Variants in UNC13C observed in about 807,000 individuals in gnomAD.
The protein encoded by UNC13C is protein unc-13 homolog C.
UNC13C carries 174 observed loss-of-function variants against 245.4 expected under a neutral mutation model. That is an observed-to-expected ratio of 0.71 (90% CI 0.63 to 0.80). The LOEUF (loss-of-function observed/expected upper bound fraction) is 0.80, where lower values mean the gene tolerates loss of function less well. Among genes scored for constraint, UNC13C ranks in the 30% least tolerant of loss-of-function variants. The pLI, the probability that UNC13C is intolerant of heterozygous loss-of-function variation, is 0.00. For missense variants in UNC13C, 2,829 were observed against 2,602.9 expected (o/e 1.09, Z -1.89); for synonymous variants, 992 against 895.1 (o/e 1.11, Z -1.93).
At chr15:54,239,010 C>T (rs944122287) in intron 7 of UNC13C, among the ~76,000 whole-genome samples, 6 of 152,132 alleles carry the variant, frequency 3.9e-5, no homozygotes, top group Admixed American at 6.5e-5. Context: ...TGTTCTGTTC[C>T]GGTAAATGTG....
At chr15:53,905,399 T>TACACACACACACAC in the UNC13C span, among the ~76,000 whole-genome samples, 1,492 of 123,542 alleles carry the variant, frequency 0.012, 14 homozygotes, top group Middle Eastern at 0.023. Context: ...TATTACTTTA[T>TACACACACACACAC]ACACACACAC....
intron 1 of UNC13C, among the ~76,000 whole-genome samples, chr15:53,989,832 T>C (rs1894305339): frequency 6.6e-6 from 1 of 152,034 alleles, no homozygotes; most frequent in South Asian, 2.1e-4. Flanking sequence ...AAAAGGGGGC[T>C]AATCCTAAGT....
At chr15:54,437,801 A>G (rs992684410) in intron 19 of UNC13C, among the ~76,000 whole-genome samples, 2 of 151,912 alleles carry the variant, frequency 1.3e-5, no homozygotes, top group Non-Finnish European at 2.9e-5. Flanking sequence ...GGTTTCTCCT[A>G]TACATTTTAT....
chr15:54,235,143 T>A (rs1450174337), intron 5 of UNC13C, 35 bp downstream of exon 5: 2 of 1,589,360 alleles, frequency 1.3e-6, no homozygotes, highest in African/African-American at 1.3e-5. Context: ...TTCGATTGCA[T>A]GTGTGGTTTT....
chr15:54,546,929 A>G (rs1566900919), intron 27 of UNC13C, 84 bp downstream of exon 27: 1 of 1,222,574 alleles, frequency 8.2e-7, no homozygotes, highest in Non-Finnish European at 1.1e-6. Context: ...ATGAAATACT[A>G]ATTAAATCCC....
At chr15:54,445,991 A>G (rs960035257) in intron 19 of UNC13C, among the ~76,000 whole-genome samples, 6 of 152,232 alleles carry the variant, frequency 3.9e-5, no homozygotes, top group Non-Finnish European at 7.3e-5. Flanking sequence ...GAAGGGATCC[A>G]GTTTCAGCTT....
At chr15:54,549,521 A>G (rs947345834) in intron 27 of UNC13C, 114 bp from the exon 28 acceptor site, 2 of 781,800 alleles carry the variant, frequency 2.6e-6, no homozygotes, top group African/African-American at 3.5e-5. Flanking sequence ...CATCTGGCAT[A>G]AGCCATAAGT....
chr15:54,186,173 G>A (rs4479175), intron 4 of UNC13C, among the ~76,000 whole-genome samples: 15,603 of 151,642 alleles, frequency 0.1, 1,115 homozygotes, highest in African/African-American at 0.23. Flanking sequence ...ATTTTGGGCT[G>A]AGACAATGGG....
intron 14 of UNC13C, among the ~76,000 whole-genome samples, chr15:54,327,394 T>G (rs2038326099): frequency 6.6e-6 from 1 of 151,998 alleles, no homozygotes. Flanking sequence ...TTTATAATTT[T>G]TTTTTTTACT....
chr15:54,186,913 A>G (rs1045546693), intron 4 of UNC13C, among the ~76,000 whole-genome samples: 34 of 150,068 alleles, frequency 2.3e-4, no homozygotes, highest in African/African-American at 7.8e-4. Flanking sequence ...CAGTGGCACA[A>G]ACTTGGCTCA....
intron 30 of UNC13C, among the ~76,000 whole-genome samples, chr15:54,594,981 G>A (rs753115604): frequency 6.6e-6 from 1 of 152,212 alleles, no homozygotes; most frequent in Non-Finnish European, 1.5e-5. Flanking sequence ...TTTGTTCTTA[G>A]GGCAGATGGA....
At chr15:54,323,552 A>T (rs1196554722) in intron 14 of UNC13C, among the ~76,000 whole-genome samples, 6 of 152,004 alleles carry the variant, frequency 3.9e-5, no homozygotes, top group African/African-American at 1.4e-4. Context: ...TAAAAGCTAA[A>T]AGTGTCAGTG....
At chr15:54,024,198 G>A (rs1157229266) in intron 2 of UNC13C, among the ~76,000 whole-genome samples, 1 of 152,150 alleles carries the variant, frequency 6.6e-6, no homozygotes, top group East Asian at 1.9e-4. Flanking sequence ...GAGAGTACAC[G>A]TCAGACCACA....
At chr15:54,111,903 T>C (rs1285585920) in intron 2 of UNC13C, among the ~76,000 whole-genome samples, 1 of 152,098 alleles carries the variant, frequency 6.6e-6, no homozygotes, top group Non-Finnish European at 1.5e-5. Flanking sequence ...CTTTGATATA[T>C]AGAAATGGTG....
rs768012725 is a variant in UNC13C at position 54,013,888 on chromosome 15, G to A, written c.985G>A (p.Glu329Lys). The change falls in exon 2 of 33, where the codon GAA becomes AAA. Residue 329 changes from glutamate to lysine, a missense_variant. Glu to Lys is a moderately conservative substitution (Grantham distance 56, BLOSUM62 1). Coordinates refer to ENST00000260323, the MANE Select transcript of UNC13C (RefSeq NM_001080534.3). ...CCTGAGATTTTTAAATGTGACTGAAGAAAGATTTGAATATGTTGAAAGCGT... is the reference window on the plus strand; with the variant it reads ...CCTGAGATTTTTAAATGTGACTGAAAAAAGATTTGAATATGTTGAAAGCGT... ...ASLRFLNVTE[E>K]RFEYVESVVY... 1.9e-6 allele frequency: 3 copies of A among 1,613,292 alleles called. No homozygotes were observed. The highest frequency in any genetic ancestry group is 1.3e-5 in the African/African-American group (1 of 74,950).
At position 54,597,567 on chromosome 15, in the gene UNC13C, G is replaced by A. The variant is rs1034834179; in HGVS notation, c.6107-24760G>A. On this transcript the variant is annotated intron_variant, in intron 30 of 32. Coordinates refer to ENST00000260323, the MANE Select transcript of UNC13C (RefSeq NM_001080534.3). The stretch of plus-strand genomic sequence containing the variant: ...CATGGAGAATCATCCCTGAGACACC[G>A]CAAAAGGGGCAAGAGAGTACCCGCT... Among the ~76,000 whole-genome samples the A allele has an allele frequency of 7.9e-5, 12 of 152,254 alleles. 1 individual carries two copies. Among genetic ancestry groups the A allele is most frequent in the African/African-American group, 2.4e-4 (10 of 41,544 alleles).
chr15:54,159,057 C>A (rs2032868860), intron 4 of UNC13C, among the ~76,000 whole-genome samples: 1 of 152,112 alleles, frequency 6.6e-6, no homozygotes, highest in African/African-American at 2.4e-5. Flanking sequence ...CAGGGGGGCC[C>A]ACTTTTCATT....
At chr15:53,939,079 G>T in the UNC13C span, among the ~76,000 whole-genome samples, 4 of 151,648 alleles carry the variant, frequency 2.6e-5, no homozygotes, top group African/African-American at 9.7e-5. Context: ...TGCAAAAATT[G>T]AGAAAATAGA....
chr15:54,183,971 GA>G (rs11419191), intron 4 of UNC13C, among the ~76,000 whole-genome samples: 38 of 148,660 alleles, frequency 2.6e-4, no homozygotes, highest in East Asian at 2.0e-3. Context: ...AACCAGTTTT[GA>G]AAAAAAAAAT....
Sources: allele counts gnomAD v4.1 joint callset (sites outside exome capture counted in the v4.1 genomes callset), GRCh38; gene constraint gnomAD v4.1.1; transcripts MANE v1.5; gene names NCBI Gene and HGNC (gene_info 2026-07-23, HGNC 2026-07-21).